Variants in NRCAM observed in about 807,000 individuals in gnomAD.
The protein encoded by NRCAM is NgCAM-related cell adhesion molecule.
NRCAM carries 83 observed loss-of-function variants against 156.5 expected under a neutral mutation model. The ratio of observed to expected loss-of-function variants is 0.53; its 90% CI spans 0.44 to 0.64. The LOEUF is 0.64. Ranked by LOEUF, NRCAM falls within the 30% of genes least tolerant of loss-of-function variation. The pLI, the probability that NRCAM is intolerant of heterozygous loss-of-function variation, is 0.00. For synonymous variants in NRCAM, 538 were observed against 563.9 expected, an observed-to-expected ratio of 0.95 and a Z score of 0.65; for missense variants, 1,417 against 1,597.3, an observed-to-expected ratio of 0.89 and a Z score of 1.92.
intron 3 of NRCAM, among the ~76,000 whole-genome samples, chr7:108,297,468 T>C (rs1028714200): frequency 7.2e-5 from 11 of 152,190 alleles, no homozygotes; most frequent in African/African-American, 2.7e-4. Context: ...CTAACAACAT[T>C]ATCTGACAAA....
chr7:108,290,095 A>C (rs900297037), intron 3 of NRCAM, among the ~76,000 whole-genome samples: 1 of 152,180 alleles, frequency 6.6e-6, no homozygotes, highest in African/African-American at 2.4e-5. Context: ...ACAAATTTCA[A>C]AGGCTGCATC....
intron 2 of NRCAM, among the ~76,000 whole-genome samples, chr7:108,365,965 G>A (rs538524573): frequency 2.0e-5 from 3 of 152,240 alleles, no homozygotes; most frequent in Admixed American, 6.5e-5. Flanking sequence ...CGTTATGAGC[G>A]GAGGCCTTTA....
At chr7:108,274,181 C>A (rs2097497067) in intron 3 of NRCAM, among the ~76,000 whole-genome samples, 1 of 152,254 alleles carries the variant, frequency 6.6e-6, no homozygotes, top group East Asian at 1.9e-4. Context: ...CGTGATGCCT[C>A]CAGCTTTGCT....
intron 3 of NRCAM, among the ~76,000 whole-genome samples, chr7:108,277,247 T>C (rs1048632839): frequency 5.9e-5 from 9 of 152,114 alleles, no homozygotes; most frequent in Non-Finnish European, 1.0e-4. Flanking sequence ...ATCTTTGTGG[T>C]GTTCTCTGTA....
Position 108,186,308 on chromosome 7 carries a change from G to T in NRCAM, c.2036-1694C>A, listed in dbSNP as rs185315065. Reference sequence around the variant, plus strand: ...CTTCCCTGAACTGCAGACTCAGGAAGTCCAACTGTCTGCTCGACAATTCCA... The same window carrying T: ...CTTCCCTGAACTGCAGACTCAGGAATTCCAACTGTCTGCTCGACAATTCCA... On this transcript the variant is annotated intron_variant, in intron 20 of 32. Transcript: ENST00000379028. 2.1e-4 allele frequency among the ~76,000 whole-genome samples: 32 copies of T among 152,328 alleles called. No individual in the cohort carries two copies. In the East Asian group the frequency reaches 5.2e-3, roughly 25 times the overall value.
intron 12 of NRCAM, among the ~76,000 whole-genome samples, chr7:108,208,902 C>A (rs1471353252): frequency 6.6e-6 from 1 of 152,166 alleles, no homozygotes; most frequent in Non-Finnish European, 1.5e-5. Flanking sequence ...GGTTTCTCCA[C>A]TCCAAAGTTA....
chr7:108,407,494 C>T (rs529626028), intron 1 of NRCAM, among the ~76,000 whole-genome samples: 20 of 152,322 alleles, frequency 1.3e-4, no homozygotes, highest in African/African-American at 4.6e-4. Flanking sequence ...TTGTGATCAA[C>T]TGAACCGAGA....
intron 1 of NRCAM, among the ~76,000 whole-genome samples, chr7:108,445,922 C>A (rs1413693747): frequency 6.6e-6 from 1 of 152,190 alleles, no homozygotes; most frequent in African/African-American, 2.4e-5. Flanking sequence ...AGCTTCTGAT[C>A]TGTTTCACAA....
intron 1 of NRCAM, among the ~76,000 whole-genome samples, chr7:108,400,386 A>G (rs924951079): frequency 6.6e-6 from 1 of 152,210 alleles, no homozygotes; most frequent in African/African-American, 2.4e-5. Flanking sequence ...CTCCACCACT[A>G]ACAGTATGGC....
chr7:108,274,755 G>A (rs1375722819), intron 3 of NRCAM, among the ~76,000 whole-genome samples: 1 of 152,114 alleles, frequency 6.6e-6, no homozygotes, highest in Admixed American at 6.5e-5. Flanking sequence ...TGATTGTCCT[G>A]GCCAGAACTT....
chr7:108,250,116 A>AT (rs1173738791), intron 3 of NRCAM, among the ~76,000 whole-genome samples: 1 of 152,204 alleles, frequency 6.6e-6, no homozygotes, highest in African/African-American at 2.4e-5. Flanking sequence ...ATGGAGTACT[A>AT]TTTAGCCATA....
Position 108,163,110 on chromosome 7 carries a change from T to C in NRCAM, c.3467-2618A>G, listed in dbSNP as rs535286579. Among the ~76,000 whole-genome samples the C allele has an allele frequency of 2.6e-5, 4 of 152,230 alleles. No individual in the cohort carries two copies. In the East Asian group the frequency reaches 7.7e-4, roughly 29 times the overall value. ...AGTTTCAGTGGGTGGATATCACCCA[T>C]TGAAGGGCTGGGTAGCGGAGTAAAA... On this transcript the variant is annotated intron_variant, in intron 30 of 32. Coordinates refer to ENST00000379028, the MANE Select transcript of NRCAM (RefSeq NM_001037132.4).
chr7:108,212,938 T>C lies in NRCAM; in HGVS notation c.891-3333A>G, dbSNP rs145413427. ...ATCTCAAAAAGATGTCCAGGCACAT[T>C]GTCATCAGGTTATCCAAAGTTAAGA... On this transcript the variant is annotated intron_variant, in intron 11 of 32. Transcript: ENST00000379028. Among the ~76,000 whole-genome samples the C allele has an allele frequency of 2.9e-3, 440 of 152,254 alleles. 1 individual carries two copies. Among genetic ancestry groups the C allele is most frequent in the African/African-American group, 0.01 (425 of 41,552 alleles).
intron 3 of NRCAM, among the ~76,000 whole-genome samples, chr7:108,306,867 AT>A (rs1426863301): frequency 3.3e-5 from 5 of 152,170 alleles, no homozygotes; most frequent in Non-Finnish European, 5.9e-5. Flanking sequence ...CTCTTCCCAT[AT>A]TATTCAAGTG....
At chr7:108,250,008 T>C (rs74866222) in intron 3 of NRCAM, among the ~76,000 whole-genome samples, 3,501 of 152,278 alleles carry the variant, frequency 0.023, 140 homozygotes, top group African/African-American at 0.08. Context: ...TGCACTCCCA[T>C]GTTTGTTGCA....
At chr7:108,292,567 A>G (rs1011958572) in intron 3 of NRCAM, among the ~76,000 whole-genome samples, 7 of 152,192 alleles carry the variant, frequency 4.6e-5, no homozygotes, top group Admixed American at 4.6e-4. Context: ...AGCAGTTTCA[A>G]TTTTTGAGAG....
intron 3 of NRCAM, among the ~76,000 whole-genome samples, chr7:108,264,848 AG>A (rs1397932921): frequency 6.6e-6 from 1 of 152,158 alleles, no homozygotes; most frequent in African/African-American, 2.4e-5. Flanking sequence ...GGAAAGAAAA[AG>A]TTATTCTCTT....
At chr7:108,169,056 A>G (rs1166371473) in intron 28 of NRCAM, among the ~76,000 whole-genome samples, 2 of 152,178 alleles carry the variant, frequency 1.3e-5, no homozygotes, top group East Asian at 3.8e-4. Context: ...AGAAGTTAAG[A>G]AAGAATAAAT....
intron 2 of NRCAM, among the ~76,000 whole-genome samples, chr7:108,360,910 A>C (rs1025182871): frequency 6.6e-6 from 1 of 152,220 alleles, no homozygotes; most frequent in Admixed American, 6.5e-5. Context: ...AATATGGATT[A>C]GAAAACCATT....
Sources: gnomAD v4.1 joint callset for allele counts (sites outside exome capture counted in the v4.1 genomes callset) on GRCh38, gnomAD v4.1.1 for gene constraint, MANE v1.5 for transcripts, NCBI Gene and HGNC (gene_info 2026-07-23, HGNC 2026-07-21) for gene names.